DPP10: variants seen among roughly 807,000 people sequenced by gnomAD.
DPP10 encodes the protein dipeptidyl peptidase like 10, also known as inactive dipeptidyl peptidase 10.
A neutral mutation model predicts 120.9 loss-of-function variants in DPP10; 33 were observed. That is an observed-to-expected ratio of 0.27 (90% CI 0.21 to 0.37). The LOEUF is 0.37. DPP10 is among the 10% of genes least tolerant of loss of function. The probability of loss-of-function intolerance (pLI) is 1.00; values close to 1 mark genes in which losing one functional copy is unlikely to be tolerated. For synonymous variants in DPP10, 337 were observed against 326.1 expected (o/e 1.03, Z -0.36); for missense variants, 816 against 942.8 (o/e 0.87, Z 1.76).
At position 114,954,248 on chromosome 2, in the gene DPP10, C is replaced by CT. The variant is rs575717736; in HGVS notation, c.61-354984dup. On this transcript the variant is annotated intron_variant, in intron 1 of 25. Coordinates refer to ENST00000410059, the MANE Select transcript of DPP10 (RefSeq NM_020868.6). ...GGCGCCCGCCACCACCCCCGGCTAA[C>CT]TTTTTTTGTATTTTTTAGTAGAGAC... Among the ~76,000 whole-genome samples the CT allele has an allele frequency of 1.6e-3, 236 of 151,708 alleles. 2 individuals are homozygous for CT. Among genetic ancestry groups the CT allele is most frequent in the African/African-American group, 5.3e-3 (219 of 41,386 alleles).
At chr2:115,765,773 T>C (rs1040411380) in intron 12 of DPP10, among the ~76,000 whole-genome samples, 1 of 152,168 alleles carries the variant, frequency 6.6e-6, no homozygotes, top group Non-Finnish European at 1.5e-5. Flanking sequence ...TTTATTATAG[T>C]TGAAAGAAGT....
At chr2:115,698,936 A>C (rs1215875441) in intron 7 of DPP10, among the ~76,000 whole-genome samples, 5 of 152,000 alleles carry the variant, frequency 3.3e-5, no homozygotes, top group Admixed American at 3.3e-4. Context: ...CAAAGTAGAT[A>C]ATTAAAAACA....
At chr2:114,488,196 G>A (rs1681673728) in intron 1 of DPP10, among the ~76,000 whole-genome samples, 1 of 152,250 alleles carries the variant, frequency 6.6e-6, no homozygotes, top group South Asian at 2.1e-4. Flanking sequence ...TGCCTCATTT[G>A]TTGCCCCTGG....
intron 3 of DPP10, among the ~76,000 whole-genome samples, chr2:115,481,312 T>A (rs867476657): frequency 6.6e-6 from 1 of 152,124 alleles, no homozygotes. Context: ...TGTGGCTTAA[T>A]TATCATTTAA....
chr2:114,815,445 A>G (rs1362648002), intron 1 of DPP10, among the ~76,000 whole-genome samples: 3 of 152,306 alleles, frequency 2.0e-5, no homozygotes, highest in Non-Finnish European at 2.9e-5. Context: ...TTCCAGAAAC[A>G]TCTGTCTGCA....
chr2:115,010,536 A>T (rs1702188016), intron 1 of DPP10, among the ~76,000 whole-genome samples: 1 of 152,194 alleles, frequency 6.6e-6, no homozygotes, highest in Non-Finnish European at 1.5e-5. Flanking sequence ...ATTGAGATAT[A>T]TATATGTATG....
chr2:115,334,301 A>C (rs938999528), intron 2 of DPP10, among the ~76,000 whole-genome samples: 10 of 142,900 alleles, frequency 7.0e-5, no homozygotes, highest in Admixed American at 6.6e-4. Flanking sequence ...AAAAGGCAAA[A>C]GAAAGATATA....
At chr2:115,166,558 T>A (rs2052884779) in intron 1 of DPP10, among the ~76,000 whole-genome samples, 1 of 146,490 alleles carries the variant, frequency 6.8e-6, no homozygotes, top group African/African-American at 2.5e-5. Flanking sequence ...AAATATATAT[T>A]ATATAAATTT....
chr2:114,612,096 A>G (rs1044649646), intron 1 of DPP10, among the ~76,000 whole-genome samples: 1 of 152,160 alleles, frequency 6.6e-6, no homozygotes, highest in Non-Finnish European at 1.5e-5. Context: ...CTCAAGGTCA[A>G]ATCCAAATTC....
intron 1 of DPP10, among the ~76,000 whole-genome samples, chr2:114,889,271 T>A (rs1194727715): frequency 6.6e-6 from 1 of 152,254 alleles, no homozygotes; most frequent in East Asian, 1.9e-4. Context: ...GTGTTCACAC[T>A]GTCTCCAGCA....
At chr2:114,445,112 T>G (rs1368273998) in intron 1 of DPP10, among the ~76,000 whole-genome samples, 1 of 152,178 alleles carries the variant, frequency 6.6e-6, no homozygotes, top group African/African-American at 2.4e-5. Flanking sequence ...TGTGGGACAT[T>G]GGAGCTCAAA....
rs1318618293 is a variant in DPP10 at position 115,380,327 on chromosome 2, G to T, written c.271+36415G>T. The stretch of plus-strand genomic sequence containing the variant: ...TTTAATGGCCTTCTTTGTCTCTTTT[G>T]ATCTTTGTTGGTTTAAAGTATGTTT... On this transcript the variant is annotated intron_variant, in intron 3 of 25. Coordinates refer to ENST00000410059, the MANE Select transcript of DPP10 (RefSeq NM_020868.6). Among the ~76,000 whole-genome samples the T allele has an allele frequency of 2.0e-5, 3 of 152,208 alleles. No homozygotes were observed. In the East Asian group the frequency reaches 5.8e-4, roughly 29 times the overall value.
intron 3 of DPP10, among the ~76,000 whole-genome samples, chr2:115,437,660 A>G (rs1453657804): frequency 6.6e-6 from 1 of 152,090 alleles, no homozygotes; most frequent in Admixed American, 6.6e-5. Context: ...TTCATAATCC[A>G]ATGTCCCTTT....
At chr2:115,084,292 T>C (rs1204729754) in intron 1 of DPP10, among the ~76,000 whole-genome samples, 1 of 152,178 alleles carries the variant, frequency 6.6e-6, no homozygotes, top group Non-Finnish European at 1.5e-5. Context: ...CAAAAACACA[T>C]AATAATGCGC....
At chr2:115,434,593 A>C (rs1399602461) in intron 3 of DPP10, among the ~76,000 whole-genome samples, 1 of 144,342 alleles carries the variant, frequency 6.9e-6, no homozygotes, top group African/African-American at 2.5e-5. Context: ...GGTACGTGTG[A>C]TAGTTTGATG....
At chr2:115,360,889 T>C (rs1240212933) in intron 3 of DPP10, among the ~76,000 whole-genome samples, 1 of 152,130 alleles carries the variant, frequency 6.6e-6, no homozygotes, top group African/African-American at 2.4e-5. Flanking sequence ...AGTGTTGCTG[T>C]GGGTGTGCAG....
chr2:114,646,188 A>AAATAAATAAATAAATG (rs1553475711), intron 1 of DPP10, among the ~76,000 whole-genome samples: 1 of 151,236 alleles, frequency 6.6e-6, no homozygotes, highest in African/African-American at 2.4e-5. Flanking sequence ...ATAAATAAAT[A>AAATAAATAAATAAATG]AATAAATAAA....
Position 115,109,842 on chromosome 2 carries a change from G to GC in DPP10, c.61-199391dup, listed in dbSNP as rs552123524. ...CACTAAACATCCTACAATTAACAGA[G>GC]CCCCCCGCAAGAAAGAATTATTCAC... On this transcript the variant is annotated intron_variant, in intron 1 of 25. Transcript: ENST00000410059. 1.9e-3 allele frequency among the ~76,000 whole-genome samples: 290 copies of GC among 152,160 alleles called. 1 individual carries two copies. The highest frequency in any genetic ancestry group is 6.2e-3 in the African/African-American group (256 of 41,520).
intron 1 of DPP10, among the ~76,000 whole-genome samples, chr2:114,962,130 CT>C (rs1245616792): frequency 6.6e-6 from 1 of 151,976 alleles, no homozygotes. Context: ...CTTCTTCTCA[CT>C]TCATCATCGT....
Sources: gnomAD v4.1 joint callset for allele counts (sites outside exome capture counted in the v4.1 genomes callset) on GRCh38, gnomAD v4.1.1 for gene constraint, MANE v1.5 for transcripts, NCBI Gene and HGNC (gene_info 2026-07-23, HGNC 2026-07-21) for gene names.